The following EPHA6 variants were observed in gnomAD, a reference collection of about 807,000 sequenced individuals.
EPHA6 encodes the protein ephrin type-A receptor 6.
EPHA6 carries 50 observed loss-of-function variants against 112.0 expected under a neutral mutation model. The ratio of observed to expected loss-of-function variants is 0.45; its 90% CI spans 0.36 to 0.56. EPHA6 has a LOEUF of 0.56. Ranked by LOEUF, EPHA6 falls within the 20% of genes least tolerant of loss-of-function variation. EPHA6 has a pLI of 0.00. For missense variants in EPHA6, 1,280 were observed against 1,417.4 expected, an observed-to-expected ratio of 0.90 and a Z score of 1.56; for synonymous variants, 529 against 490.7, an observed-to-expected ratio of 1.08 and a Z score of -1.03.
chr3:97,707,904 T>C (rs2033766348), intron 14 of EPHA6, among the ~76,000 whole-genome samples: 1 of 152,168 alleles, frequency 6.6e-6, no homozygotes, highest in African/African-American at 2.4e-5. Flanking sequence ...TCTGCCATGA[T>C]TGTAAGTTGC....
chr3:97,225,528 C>A lies in EPHA6; in HGVS notation c.1115-736C>A, dbSNP rs114579963. Among the ~76,000 whole-genome samples the A allele has an allele frequency of 9.1e-3, 1,378 of 151,966 alleles. 12 individuals carry two copies. The highest frequency in any genetic ancestry group is 0.038 in the Middle Eastern group (11 of 292). The stretch of plus-strand genomic sequence containing the variant: ...TTTTAGAACAATATGTTAATGATAA[C>A]CTTTTTTGAGTGACTATATACTATT... On this transcript the variant is annotated intron_variant, in intron 3 of 17. Transcript: ENST00000389672.
chr3:97,519,010 T>A (rs1209160950), intron 10 of EPHA6, among the ~76,000 whole-genome samples: 1 of 152,110 alleles, frequency 6.6e-6, no homozygotes, highest in Non-Finnish European at 1.5e-5. Flanking sequence ...AATAGTACCA[T>A]TTGTCTACTT....
At chr3:96,839,227 G>A (rs1295450339) in intron 1 of EPHA6, among the ~76,000 whole-genome samples, 1 of 152,112 alleles carries the variant, frequency 6.6e-6, no homozygotes, top group Non-Finnish European at 1.5e-5. Context: ...ATAGCAGGAG[G>A]TGAGCATTGG....
chr3:96,988,030 T>C, intron 3 of EPHA6, 37 bp downstream of exon 3: 1 of 1,466,698 alleles, frequency 6.8e-7, no homozygotes, highest in Non-Finnish European at 9.1e-7. Context: ...ATCTTGCATT[T>C]AAATGATTTT....
chr3:96,938,417 G>A (rs1271028076), intron 2 of EPHA6, among the ~76,000 whole-genome samples: 3 of 150,844 alleles, frequency 2.0e-5, no homozygotes, highest in African/African-American at 7.3e-5. Flanking sequence ...TTTGTCTGTT[G>A]TTGGTGTATA....
intron 5 of EPHA6, among the ~76,000 whole-genome samples, chr3:97,340,987 T>A (rs1032043279): frequency 6.6e-6 from 1 of 152,312 alleles, no homozygotes; most frequent in East Asian, 1.9e-4. Flanking sequence ...TTTTAAAGTG[T>A]GAGAAAAAAT....
chr3:97,544,351 A>G (rs1179936149), intron 11 of EPHA6, among the ~76,000 whole-genome samples: 5 of 152,076 alleles, frequency 3.3e-5, no homozygotes, highest in Non-Finnish European at 7.3e-5. Flanking sequence ...TGAGATAATC[A>G]TGTGGTTTTT....
At chr3:96,867,686 T>A (rs746036121) in intron 2 of EPHA6, among the ~76,000 whole-genome samples, 1 of 151,872 alleles carries the variant, frequency 6.6e-6, no homozygotes, top group South Asian at 2.1e-4. Flanking sequence ...GGTAATTTTC[T>A]TATTAATCAC....
At chr3:97,181,208 A>G (rs1159558698) in intron 3 of EPHA6, among the ~76,000 whole-genome samples, 1 of 152,024 alleles carries the variant, frequency 6.6e-6, no homozygotes, top group East Asian at 1.9e-4. Flanking sequence ...CAGTGTCCAG[A>G]TATGCTCTCC....
At chr3:96,930,305 T>C (rs2040245177) in intron 2 of EPHA6, among the ~76,000 whole-genome samples, 1 of 152,216 alleles carries the variant, frequency 6.6e-6, no homozygotes, top group African/African-American at 2.4e-5. Flanking sequence ...CTCTATATTT[T>C]TGAGTTTTAC....
At chr3:97,403,460 A>T (rs1027249900) in intron 5 of EPHA6, among the ~76,000 whole-genome samples, 5 of 151,936 alleles carry the variant, frequency 3.3e-5, no homozygotes, top group African/African-American at 1.2e-4. Flanking sequence ...TTATTTGTTT[A>T]TTTTGAGACG....
chr3:96,918,614 T>C (rs950299021), intron 2 of EPHA6, among the ~76,000 whole-genome samples: 1 of 151,792 alleles, frequency 6.6e-6, no homozygotes, highest in Non-Finnish European at 1.5e-5. Context: ...TGAGTTTTAA[T>C]AATATTTTAT....
chr3:97,215,588 G>T (rs1213215229), intron 3 of EPHA6, among the ~76,000 whole-genome samples: 1 of 148,206 alleles, frequency 6.7e-6, no homozygotes, highest in Non-Finnish European at 1.5e-5. Context: ...TTCAGTCTGG[G>T]CAACAAGAGC....
chr3:97,363,171 AATATATATATATATATATATATAT>A (rs58214738), intron 5 of EPHA6, among the ~76,000 whole-genome samples: 2,561 of 51,326 alleles, frequency 0.05, 201 homozygotes, highest in Non-Finnish European at 0.078. Context: ...TTGCCCCTGC[AATATATATATATATATATATATAT>A]ATATATATAT....
chr3:97,013,628 A>G (rs1214092626), intron 3 of EPHA6, among the ~76,000 whole-genome samples: 1 of 152,186 alleles, frequency 6.6e-6, no homozygotes, highest in Non-Finnish European at 1.5e-5. Flanking sequence ...ACTCACATGG[A>G]GGCCATAAAT....
At chr3:97,681,222 A>G (rs1412031223) in intron 14 of EPHA6, among the ~76,000 whole-genome samples, 1 of 152,172 alleles carries the variant, frequency 6.6e-6, no homozygotes, top group Non-Finnish European at 1.5e-5. Context: ...AAGATTTATA[A>G]TATCCAGAGC....
At chr3:97,581,552 A>G (rs1412316123) in intron 11 of EPHA6, among the ~76,000 whole-genome samples, 2 of 152,226 alleles carry the variant, frequency 1.3e-5, no homozygotes, top group Admixed American at 6.5e-5. Context: ...TTTACACATG[A>G]TAGAGAGAAA....
At chr3:97,598,261 T>A (rs557693711) in intron 12 of EPHA6, among the ~76,000 whole-genome samples, 2 of 151,800 alleles carry the variant, frequency 1.3e-5, no homozygotes, top group African/African-American at 4.8e-5. Context: ...GTCATTTAGT[T>A]AAGTTTTTTT....
At chr3:97,079,269 T>A (rs2046639479) in intron 3 of EPHA6, among the ~76,000 whole-genome samples, 1 of 152,162 alleles carries the variant, frequency 6.6e-6, no homozygotes, top group South Asian at 2.1e-4. Context: ...TGTACAGCCA[T>A]AAAAAAGAAT....
Sources: allele counts gnomAD v4.1 joint callset (sites outside exome capture counted in the v4.1 genomes callset), GRCh38; gene constraint gnomAD v4.1.1; transcripts MANE v1.5; gene names NCBI Gene and HGNC (gene_info 2026-07-23, HGNC 2026-07-21).